Variants in RYR2 observed in about 807,000 individuals in gnomAD.
RYR2 encodes cardiac muscle ryanodine receptor-calcium release channel.
RYR2 carries 227 observed loss-of-function variants against 601.1 expected under a neutral mutation model. That is an observed-to-expected ratio of 0.38 (90% CI 0.34 to 0.42). The LOEUF is 0.42. RYR2 is among the 10% of genes least tolerant of loss of function. RYR2 has a pLI of 1.00. For synonymous variants in RYR2, 2,223 were observed against 2,175.1 expected (o/e 1.02, Z -0.61); for missense variants, 4,646 against 6,156.5 (o/e 0.75, Z 8.21).
At chr1:237,123,164 T>C (rs371712039) in intron 1 of RYR2, among the ~76,000 whole-genome samples, 5 of 152,214 alleles carry the variant, frequency 3.3e-5, no homozygotes, top group Admixed American at 1.3e-4. Context: ...TTTTTCATAG[T>C]GTTCCAGGGT....
At chr1:237,584,791 G>A (rs950265845) in intron 29 of RYR2, among the ~76,000 whole-genome samples, 1 of 151,338 alleles carries the variant, frequency 6.6e-6, no homozygotes, top group Non-Finnish European at 1.5e-5. Flanking sequence ...TTCCCAAGTA[G>A]TTGGGACCAC....
chr1:237,042,469 C>T lies in RYR2; in HGVS notation c.-53C>T, dbSNP rs1660023177. 4.8e-6 allele frequency: 6 copies of T among 1,239,584 alleles called. No homozygotes were observed. Among genetic ancestry groups the T allele is most frequent in the South Asian group, 8.2e-5 (2 of 24,322 alleles). 76.8% of individuals were successfully genotyped at this position (1,239,584 alleles called of 1,614,324 possible). A position where few individuals can be genotyped will look rare whatever the true frequency, so the allele number is the denominator to read the frequency against. Reference sequence around the variant, plus strand: ...AAGGCAGCGCCAGGGGCCGCCGCCGCCGCCGAGCTCCGCGGGGCTCGGGAG... The same window carrying T: ...AAGGCAGCGCCAGGGGCCGCCGCCGTCGCCGAGCTCCGCGGGGCTCGGGAG... On this transcript the variant is annotated 5_prime_UTR_variant, in exon 1 of 105. Coordinates refer to ENST00000366574, the MANE Select transcript of RYR2 (RefSeq NM_001035.3).
chr1:237,126,068 C>T lies in RYR2; in HGVS notation c.48+83499C>T, dbSNP rs577088901. Reference sequence around the variant, plus strand: ...CCTGGCCAACATGGCAAAACCCTGTCTCTACTAAAAATACAAGAATTAGCC... The same window carrying T: ...CCTGGCCAACATGGCAAAACCCTGTTTCTACTAAAAATACAAGAATTAGCC... On this transcript the variant is annotated intron_variant, in intron 1 of 104. Transcript: ENST00000366574. Among the ~76,000 whole-genome samples, 180 of 152,268 alleles carry T rather than the reference C, an allele frequency of 1.2e-3. 1 individual carries two copies. The highest frequency in any genetic ancestry group is 1.4e-3 in the Non-Finnish European group (97 of 68,030).
At chr1:237,811,829 A>T (rs906644497) in intron 100 of RYR2, among the ~76,000 whole-genome samples, 5 of 152,164 alleles carry the variant, frequency 3.3e-5, no homozygotes, top group African/African-American at 1.2e-4. Context: ...GGTGTTTCAC[A>T]TGTGACTTTG....
intron 2 of RYR2, among the ~76,000 whole-genome samples, chr1:237,314,817 C>T (rs1243899433): frequency 6.6e-6 from 1 of 152,150 alleles, no homozygotes; most frequent in South Asian, 2.1e-4. Flanking sequence ...AACAAAAATG[C>T]ACTTCAGCAG....
chr1:237,183,536 G>A (rs912130856), intron 1 of RYR2, among the ~76,000 whole-genome samples: 6 of 152,200 alleles, frequency 3.9e-5, no homozygotes, highest in African/African-American at 1.4e-4. Context: ...AGCACCTAAT[G>A]AAGGAAAGAG....
chr1:237,284,573 T>TAC lies in RYR2; in HGVS notation c.168+13966_168+13967dup, dbSNP rs1028071440. Among the ~76,000 whole-genome samples the TAC allele has an allele frequency of 6.2e-5, 6 of 96,392 alleles. No homozygotes were observed. In the East Asian group the frequency reaches 1.9e-3, roughly 31 times the overall value. 63.2% of individuals were successfully genotyped at this position (96,392 alleles called of 152,430 possible). A position where few individuals can be genotyped will look rare whatever the true frequency, so the allele number is the denominator to read the frequency against. ...GTATATATATATTCCACCATATATA[T>TAC]ACACACACACCCACACACAGACCCA... On this transcript the variant is annotated intron_variant, in intron 2 of 104. Transcript: ENST00000366574.
chr1:237,828,222 TC>T (rs1194805665), intron 101 of RYR2, among the ~76,000 whole-genome samples, 158 bp from the exon 102 acceptor site: 2 of 152,308 alleles, frequency 1.3e-5, no homozygotes, highest in African/African-American at 4.8e-5. Flanking sequence ...GAACACCGCC[TC>T]CTTTCTCCTA....
intron 80 of RYR2, among the ~76,000 whole-genome samples, chr1:237,749,880 T>A (rs2685292): frequency 0.49 from 74,512 of 152,036 alleles, 20,008 homozygotes; most frequent in East Asian, 0.81. Flanking sequence ...GTGCAGTGTA[T>A]CGTGGCTGTA....
At chr1:237,705,904 C>T (rs960871730) in intron 67 of RYR2, among the ~76,000 whole-genome samples, 15 of 151,804 alleles carry the variant, frequency 9.9e-5, no homozygotes, top group South Asian at 4.2e-4. Flanking sequence ...AACATGCAAA[C>T]CAAAAAAGAG....
rs763448400 is a variant in RYR2, at chr1:237,674,110, C to G, written c.8605C>G (p.Pro2869Ala). ...CATACTCTTAGGAGGAGGAAACCAT[C>G]CTCTGCTGGTGCCCTATGATACACT... The part of the protein sequence containing the change: ...ELESKGGGNH[P>A]LLVPYDTLTA... Residue 2869 changes from proline to alanine, a missense_variant, in exon 59 of 105, where the codon CCT becomes GCT. Transcript: ENST00000366574. 5.0e-6 allele frequency: 8 copies of G among 1,611,830 alleles called. No homozygotes were observed. Among genetic ancestry groups the G allele is most frequent in the Non-Finnish European group, 6.8e-6 (8 of 1,178,206 alleles).
At chr1:237,782,554 T>TA (rs1292320449) in intron 89 of RYR2, among the ~76,000 whole-genome samples, 7 of 152,298 alleles carry the variant, frequency 4.6e-5, no homozygotes, top group South Asian at 4.1e-4. Flanking sequence ...AGCATCTGCT[T>TA]AAAGCCCTTA....
intron 53 of RYR2, among the ~76,000 whole-genome samples, chr1:237,656,924 C>G (rs1683302736): frequency 6.6e-6 from 1 of 152,216 alleles, no homozygotes; most frequent in Non-Finnish European, 1.5e-5. Context: ...TTTTGTATCT[C>G]TTCCGAAGTA....
chr1:237,786,550 C>G lies in RYR2; in HGVS notation c.13328+514C>G, dbSNP rs138033446. On this transcript the variant is annotated intron_variant, in intron 91 of 104. Coordinates refer to ENST00000366574, the MANE Select transcript of RYR2 (RefSeq NM_001035.3). ...GGGCCCCAAGCCATAGATCCTGCCT[C>G]AGCAGGTCTGGTGTGGGGCCTGGGA... Among the ~76,000 whole-genome samples, 267 of 152,336 alleles carry G rather than the reference C, an allele frequency of 1.8e-3. 3 individuals carry two copies. Among genetic ancestry groups the G allele is most frequent in the African/African-American group, 5.9e-3 (246 of 41,574 alleles).
chr1:237,713,676 C>G (rs1390884805), intron 71 of RYR2, among the ~76,000 whole-genome samples: 1 of 152,086 alleles, frequency 6.6e-6, no homozygotes, highest in Non-Finnish European at 1.5e-5. Flanking sequence ...GGATTGCACT[C>G]CAGCCTAGGC....
At chr1:237,210,012 A>G (rs1454596616) in intron 1 of RYR2, among the ~76,000 whole-genome samples, 1 of 152,222 alleles carries the variant, frequency 6.6e-6, no homozygotes, top group Non-Finnish European at 1.5e-5. Flanking sequence ...CAATACAGAC[A>G]GAAGAAAATA....
chr1:237,079,432 T>G (rs1665348420), intron 1 of RYR2, among the ~76,000 whole-genome samples: 1 of 48,528 alleles, frequency 2.1e-5, no homozygotes, highest in Admixed American at 2.7e-4. Flanking sequence ...CAGCAAAGTC[T>G]CAGGATACAA....
chr1:237,684,680 G>T (rs1435490985), intron 62 of RYR2, among the ~76,000 whole-genome samples: 3 of 152,080 alleles, frequency 2.0e-5, no homozygotes, highest in Non-Finnish European at 4.4e-5. Flanking sequence ...AGGTCATTCA[G>T]TTGGAGAAAT....
chr1:237,226,872 G>A lies in RYR2; in HGVS notation c.49-43625G>A, dbSNP rs1247014208. ...CAACCTCCGCCTCCCGGGTTCAAGC[G>A]ATTCTCCAGCCTTAGCCTCCCAAGC... On this transcript the variant is annotated intron_variant, in intron 1 of 104. Coordinates refer to ENST00000366574, the MANE Select transcript of RYR2 (RefSeq NM_001035.3). Among the ~76,000 whole-genome samples the A allele has an allele frequency of 3.3e-5, 5 of 152,098 alleles. No homozygotes were observed. The East Asian group carries it at 5.8e-4, about 18-fold the overall frequency.
Sources: gnomAD v4.1 joint callset for allele counts (sites outside exome capture counted in the v4.1 genomes callset) on GRCh38, gnomAD v4.1.1 for gene constraint, MANE v1.5 for transcripts, NCBI Gene and HGNC (gene_info 2026-07-23, HGNC 2026-07-21) for gene names.